The following CPQ variants were observed in gnomAD, a reference collection of about 807,000 sequenced individuals.
The protein encoded by CPQ is carboxypeptidase Q.
In CPQ, 37 loss-of-function variants were observed where a neutral mutation model predicts 45.7. That is an observed-to-expected ratio of 0.81 (90% confidence interval 0.62 to 1.07). CPQ has a LOEUF of 1.07. Ranked by LOEUF, CPQ falls within the 50% of genes least tolerant of loss-of-function variation. The pLI is 0.00. For missense variants in CPQ, 537 were observed against 572.9 expected (o/e 0.94, Z 0.64); for synonymous variants, 186 against 205.8 (o/e 0.90, Z 0.82).
At chr8:97,043,780 A>G (rs571049372) in intron 6 of CPQ, among the ~76,000 whole-genome samples, 1 of 152,278 alleles carries the variant, frequency 6.6e-6, no homozygotes, top group East Asian at 1.9e-4. Context: ...TGGTTTGAAA[A>G]TTCTTTCCTT....
chr8:96,693,184 A>C (rs867016883), intron 1 of CPQ, among the ~76,000 whole-genome samples: 39 of 152,080 alleles, frequency 2.6e-4, no homozygotes, highest in African/African-American at 8.7e-4. Flanking sequence ...AAGCATGCCT[A>C]CAGGATCTAG....
At chr8:96,837,961 A>G (rs973535801) in intron 3 of CPQ, among the ~76,000 whole-genome samples, 2 of 152,098 alleles carry the variant, frequency 1.3e-5, no homozygotes, top group Non-Finnish European at 2.9e-5. Context: ...GCAGTCAGCA[A>G]TCACTAACAC....
rs1811502193 is a variant in CPQ at position 96,834,628 on chromosome 8, A to C, written c.434-345A>C. Among the ~76,000 whole-genome samples, 5 of 152,222 alleles carry C rather than the reference A, an allele frequency of 3.3e-5. No individual in the cohort carries two copies. The South Asian group carries it at 8.3e-4, about 25-fold the overall frequency. On this transcript the variant is annotated intron_variant, in intron 2 of 7. Transcript: ENST00000220763. ...GAGCTTTCTGAAATTCATTTTTAAA[A>C]ATAAATGATTAGCATCATTCTTTGA... is the stretch of plus-strand genomic sequence containing the variant.
intron 1 of CPQ, among the ~76,000 whole-genome samples, chr8:96,722,704 T>A (rs993602442): frequency 2.0e-5 from 3 of 152,202 alleles, no homozygotes; most frequent in Admixed American, 2.0e-4. Context: ...AACACAGATT[T>A]ATTTCTCTCT....
intron 1 of CPQ, among the ~76,000 whole-genome samples, chr8:96,720,317 A>T (rs1192280972): frequency 2.0e-5 from 3 of 151,560 alleles, no homozygotes; most frequent in African/African-American, 7.3e-5. Flanking sequence ...TTCTTTGTGG[A>T]TCTAGTCATT....
chr8:97,127,881 G>C (rs941589012), intron 7 of CPQ, among the ~76,000 whole-genome samples: 5 of 152,140 alleles, frequency 3.3e-5, no homozygotes, highest in African/African-American at 1.2e-4. Flanking sequence ...GTATAGGAAA[G>C]GCAAGCCTAA....
At chr8:96,848,787 C>T (rs1310696878) in intron 3 of CPQ, among the ~76,000 whole-genome samples, 1 of 152,164 alleles carries the variant, frequency 6.6e-6, no homozygotes, top group South Asian at 2.1e-4. Context: ...AATGAATGAA[C>T]ATCATTCCAT....
intron 4 of CPQ, among the ~76,000 whole-genome samples, chr8:96,934,759 A>T (rs1283618787): frequency 2.6e-5 from 4 of 152,050 alleles, no homozygotes; most frequent in Admixed American, 1.3e-4. Context: ...TCCAAAGCAT[A>T]CCCAGAAGCA....
chr8:97,084,773 A>G (rs1811011990), intron 7 of CPQ, among the ~76,000 whole-genome samples: 1 of 151,562 alleles, frequency 6.6e-6, no homozygotes, highest in Non-Finnish European at 1.5e-5. Flanking sequence ...GGAGCTAGTC[A>G]TTCCCTTTTG....
chr8:96,855,070 C>T (rs923910681), intron 3 of CPQ, among the ~76,000 whole-genome samples: 4 of 152,192 alleles, frequency 2.6e-5, no homozygotes, highest in African/African-American at 9.6e-5. Flanking sequence ...GAGGAATTCT[C>T]TCTTCCTTGG....
Position 96,854,557 on chromosome 8 carries a change from A to AAAAAAACAC in CPQ, c.641+19379_641+19380insAAAACACAA, listed in dbSNP as rs1554573253. 8.8e-4 allele frequency among the ~76,000 whole-genome samples: 68 copies of AAAAAAACAC among 76,878 alleles called. 13 individuals are homozygous for AAAAAAACAC. The highest frequency in any genetic ancestry group is 2.7e-3 in the African/African-American group (54 of 20,032). 50.4% of individuals were successfully genotyped at this position (76,878 alleles called of 152,430 possible). A position where few individuals can be genotyped will look rare whatever the true frequency, so the allele number is the denominator to read the frequency against. On this transcript the variant is annotated intron_variant, in intron 3 of 7. Transcript: ENST00000220763. ...AAAAAAAAAAAAAAAAAAAAAAAAA[A>AAAAAAACAC]AATGTGGTGGAACTAAAAGCCCAGT...
intron 4 of CPQ, among the ~76,000 whole-genome samples, chr8:96,912,578 A>G (rs1342478622): frequency 6.6e-6 from 1 of 152,226 alleles, no homozygotes; most frequent in Non-Finnish European, 1.5e-5. Flanking sequence ...GATGTATTAA[A>G]TCAGACATGT....
rs186120151 is a variant in CPQ at position 96,856,320 on chromosome 8, T to C, written c.641+21140T>C. On this transcript the variant is annotated intron_variant, in intron 3 of 7. Coordinates refer to ENST00000220763, the MANE Select transcript of CPQ (RefSeq NM_016134.4). ...GCTAGGGTGGTAGCTGTGGAGACAGTGGGCAGTGGGCAAGCTTGGCTGTTC... is the reference window on the plus strand; with the variant it reads ...GCTAGGGTGGTAGCTGTGGAGACAGCGGGCAGTGGGCAAGCTTGGCTGTTC... 2.0e-5 allele frequency among the ~76,000 whole-genome samples: 3 copies of C among 152,172 alleles called. No individual in the cohort carries two copies. The East Asian group carries it at 5.8e-4, about 29-fold the overall frequency.
chr8:97,092,912 T>G (rs1811149233), intron 7 of CPQ: 1 of 152,152 alleles, frequency 6.6e-6, no homozygotes, highest in Admixed American at 6.5e-5. Context: ...ATTTGCAAAC[T>G]ACGTATCTGA....
At chr8:96,651,263 CAGTT>C (rs1259261024) in intron 1 of CPQ, among the ~76,000 whole-genome samples, 11 of 152,192 alleles carry the variant, frequency 7.2e-5, no homozygotes, top group Non-Finnish European at 1.3e-4. Context: ...TTGAGTCTGA[CAGTT>C]AGACCACAAG....
chr8:96,820,027 A>G (rs564490454), intron 2 of CPQ, among the ~76,000 whole-genome samples: 54 of 152,056 alleles, frequency 3.6e-4, no homozygotes, highest in Non-Finnish European at 6.8e-4. Flanking sequence ...ACAAATCAAG[A>G]TATCTATGGT....
intron 4 of CPQ, among the ~76,000 whole-genome samples, chr8:96,955,712 C>T (rs201758205): frequency 6.6e-6 from 1 of 152,076 alleles, no homozygotes; most frequent in Non-Finnish European, 1.5e-5. Flanking sequence ...CCCTCAGAAA[C>T]AATGCCACAT....
intron 1 of CPQ, among the ~76,000 whole-genome samples, chr8:96,725,812 T>A (rs752609413): frequency 1.3e-5 from 2 of 152,248 alleles, no homozygotes; most frequent in Admixed American, 1.3e-4. Context: ...CTATTCACAA[T>A]AGCAAAGACA....
intron 1 of CPQ, among the ~76,000 whole-genome samples, chr8:96,766,817 C>T (rs1469973856): frequency 2.0e-5 from 3 of 152,162 alleles, no homozygotes; most frequent in African/African-American, 7.2e-5. Flanking sequence ...GACTGGCCAG[C>T]AGGCATTACT....
Sources: gnomAD v4.1 joint callset for allele counts (sites outside exome capture counted in the v4.1 genomes callset) on GRCh38, gnomAD v4.1.1 for gene constraint, MANE v1.5 for transcripts, NCBI Gene and HGNC (gene_info 2026-07-23, HGNC 2026-07-21) for gene names.